Variants in CREB5 observed in about 807,000 individuals in gnomAD.
CREB5 encodes the protein cAMP responsive element binding protein 5.
A neutral mutation model predicts 57.1 loss-of-function variants in CREB5; 19 were observed. That is an observed-to-expected ratio of 0.33 (90% confidence interval 0.23 to 0.49). CREB5 has a LOEUF of 0.49. Ranked by LOEUF, CREB5 falls within the 20% of genes least tolerant of loss-of-function variation. The pLI is 0.99. For synonymous variants in CREB5, 238 were observed against 238.3 expected (o/e 1.00, Z 0.01); for missense variants, 579 against 671.6 (o/e 0.86, Z 1.52).
At chr7:28,687,708 G>T (rs190993962) in intron 5 of CREB5, among the ~76,000 whole-genome samples, 1 of 151,892 alleles carries the variant, frequency 6.6e-6, no homozygotes, top group African/African-American at 2.4e-5. Flanking sequence ...TTTATTTAAC[G>T]CATGTTTTGG....
intron 5 of CREB5, among the ~76,000 whole-genome samples, chr7:28,647,700 G>A (rs1314257478): frequency 6.6e-6 from 1 of 152,078 alleles, no homozygotes; most frequent in Non-Finnish European, 1.5e-5. Context: ...CTTTAATGTA[G>A]GTCAGCATTG....
In CREB5 at chr7:28,809,223, A is replaced by C. The variant is rs1808944593; in HGVS notation, c.1063A>C (p.Thr355Pro). The C allele has an allele frequency of 1.2e-6, 2 of 1,613,896 alleles. No individual in the cohort carries two copies. Among genetic ancestry groups the C allele is most frequent in the Admixed American group, 1.7e-5 (1 of 59,998 alleles). The change falls in exon 9 of 11, where the codon ACA becomes CCA. Residue 355 changes from threonine to proline, a missense_variant. Physicochemically the swap from Thr to Pro is conservative, Grantham distance 38 (BLOSUM62 -1). Transcript: ENST00000357727. ...AACACAACAGATGCAGCCAACCCAGACAATACAGCCACCCCAGCCCACAGG... is the reference window on the plus strand; with the variant it reads ...AACACAACAGATGCAGCCAACCCAGCCAATACAGCCACCCCAGCCCACAGG... ...PATQQMQPTQTIQPPQPTGGR... is the reference protein window; with the variant it reads ...PATQQMQPTQPIQPPQPTGGR...
At chr7:28,581,989 G>T (rs956918424) in intron 5 of CREB5, among the ~76,000 whole-genome samples, 4 of 152,168 alleles carry the variant, frequency 2.6e-5, no homozygotes, top group African/African-American at 9.6e-5. Context: ...TTGCACAAAA[G>T]GTTCTTTGGG....
At chr7:28,361,193 G>A (rs1363819122) in intron 1 of CREB5, among the ~76,000 whole-genome samples, 2 of 152,080 alleles carry the variant, frequency 1.3e-5, no homozygotes, top group Admixed American at 6.5e-5. Context: ...ATAAAGCAGC[G>A]CAACTAACTC....
intron 1 of CREB5, among the ~76,000 whole-genome samples, chr7:28,483,871 G>T (rs1299547810): frequency 6.6e-6 from 1 of 152,128 alleles, no homozygotes; most frequent in Admixed American, 6.5e-5. Flanking sequence ...GGCCATAACT[G>T]TCAACAGGTA....
chr7:28,529,336 G>A (rs982951713), intron 4 of CREB5, among the ~76,000 whole-genome samples: 3 of 122,992 alleles, frequency 2.4e-5, no homozygotes, highest in African/African-American at 1.1e-4. Context: ...ACTTCCCTGT[G>A]CTCCCTGCAG....
chr7:28,591,971 G>A (rs1171547244), intron 5 of CREB5, among the ~76,000 whole-genome samples: 1 of 152,154 alleles, frequency 6.6e-6, no homozygotes, highest in Non-Finnish European at 1.5e-5. Context: ...TAAATTGGAT[G>A]AAGCTGTAAT....
In CREB5 at chr7:28,819,474, A is replaced by AT. The variant is rs1809639810; in HGVS notation, c.*195_*196insT. ...TAAGAAAAAAGGGAGTTATGCAATTAATATCTATCAGCTTGGGAAACGCTT... is the reference window on the plus strand; with the variant it reads ...TAAGAAAAAAGGGAGTTATGCAATTATATATCTATCAGCTTGGGAAACGCTT... On this transcript the variant is annotated 3_prime_UTR_variant, in exon 11 of 11. Coordinates refer to ENST00000357727, the MANE Select transcript of CREB5 (RefSeq NM_182898.4). The AT allele has an allele frequency of 3.7e-6, 2 of 544,660 alleles. No individual in the cohort carries two copies. The highest frequency in any genetic ancestry group is 6.1e-6 in the Non-Finnish European group (2 of 325,506). 33.7% of individuals were successfully genotyped at this position (544,660 alleles called of 1,614,324 possible).
At chr7:28,699,607 A>G (rs1801743412) in intron 5 of CREB5, among the ~76,000 whole-genome samples, 1 of 152,222 alleles carries the variant, frequency 6.6e-6, no homozygotes, top group Admixed American at 6.5e-5. Flanking sequence ...GACTCCCACC[A>G]ACTTATGCTT....
intron 7 of CREB5, among the ~76,000 whole-genome samples, chr7:28,751,869 A>G (rs1195505748): frequency 6.6e-6 from 1 of 152,106 alleles, no homozygotes; most frequent in Non-Finnish European, 1.5e-5. Flanking sequence ...TAGACTTCCA[A>G]TCCATGACGA....
At chr7:28,711,591 T>C (rs752693779) in intron 5 of CREB5, among the ~76,000 whole-genome samples, 152 of 152,230 alleles carry the variant, frequency 1.0e-3, no homozygotes, top group Non-Finnish European at 1.9e-3. Context: ...GCTTCTGTGT[T>C]CATTTGTCAT....
chr7:28,306,425 T>C (rs1272681352), intron 1 of CREB5, among the ~76,000 whole-genome samples: 1 of 152,166 alleles, frequency 6.6e-6, no homozygotes. Context: ...AGCCCATTCC[T>C]AATTGGGTTG....
At chr7:28,739,430 C>A (rs1804213335) in intron 7 of CREB5, among the ~76,000 whole-genome samples, 1 of 152,082 alleles carries the variant, frequency 6.6e-6, no homozygotes. Flanking sequence ...GAGCTGAAAC[C>A]TGGAGATACT....
At chr7:28,416,570 A>T (rs903892017) in intron 1 of CREB5, among the ~76,000 whole-genome samples, 6 of 152,206 alleles carry the variant, frequency 3.9e-5, no homozygotes, top group African/African-American at 1.4e-4. Context: ...GGTGTGGTGC[A>T]CCATCATGAA....
chr7:28,344,153 C>T (rs1033981201), intron 1 of CREB5, among the ~76,000 whole-genome samples: 1 of 151,388 alleles, frequency 6.6e-6, no homozygotes, highest in African/African-American at 2.4e-5. Context: ...TAGGTTGTCT[C>T]TTCAGCATGT....
chr7:28,732,990 T>C (rs1170582108), intron 7 of CREB5, among the ~76,000 whole-genome samples: 4 of 152,166 alleles, frequency 2.6e-5, no homozygotes, highest in African/African-American at 9.7e-5. Flanking sequence ...TGTATTGCTG[T>C]AGTGTGAATA....
At position 28,674,456 on chromosome 7, in the gene CREB5, C is replaced by G. The variant is rs1185026370; in HGVS notation, c.465-44297C>G. On this transcript the variant is annotated intron_variant, in intron 5 of 10. Coordinates refer to ENST00000357727, the MANE Select transcript of CREB5 (RefSeq NM_182898.4). ...CCTCCCAGGTCGCTGGCTAATCCTT[C>G]TCTGCCCACCTCTTACTGTGAGAGT... Among the ~76,000 whole-genome samples the G allele has an allele frequency of 9.2e-5, 14 of 152,314 alleles. No homozygotes were observed. In the East Asian group the frequency reaches 1.9e-3, roughly 21 times the overall value.
intron 7 of CREB5, among the ~76,000 whole-genome samples, chr7:28,749,854 G>T (rs1804880093): frequency 6.6e-6 from 1 of 151,826 alleles, no homozygotes. Context: ...AGTTTTACAT[G>T]TCTCAGAAGT....
chr7:28,755,703 C>T (rs1805259701), intron 7 of CREB5, among the ~76,000 whole-genome samples: 1 of 152,212 alleles, frequency 6.6e-6, no homozygotes. Context: ...CAGTGTTAAA[C>T]AATGATTAAA....
Sources: allele counts gnomAD v4.1 joint callset (sites outside exome capture counted in the v4.1 genomes callset), GRCh38; gene constraint gnomAD v4.1.1; transcripts MANE v1.5; gene names NCBI Gene and HGNC (gene_info 2026-07-23, HGNC 2026-07-21).